The following FHOD3 variants were observed in gnomAD, a reference collection of about 807,000 sequenced individuals.
FHOD3 encodes the protein FH1/FH2 domain-containing protein 3.
FHOD3 carries 90 observed loss-of-function variants against 173.0 expected under a neutral mutation model. The observed-to-expected ratio is 0.52, with a 90% CI of 0.44 to 0.62. The LOEUF is 0.62. FHOD3 is among the 20% of genes least tolerant of loss of function. The probability of loss-of-function intolerance (pLI) is 0.00; values close to 1 mark genes in which losing one functional copy is unlikely to be tolerated. For synonymous variants in FHOD3, 828 were observed against 823.0 expected, an observed-to-expected ratio of 1.01 and a Z score of -0.10; for missense variants, 1,945 against 2,034.7, an observed-to-expected ratio of 0.96 and a Z score of 0.85.
chr18:36,521,772 C>G (rs2056287634), intron 5 of FHOD3, among the ~76,000 whole-genome samples: 1 of 152,192 alleles, frequency 6.6e-6, no homozygotes, highest in Non-Finnish European at 1.5e-5. Flanking sequence ...AGTGGCTCCT[C>G]TCATCCTCAG....
At chr18:36,473,920 G>A (rs910556623) in intron 3 of FHOD3, among the ~76,000 whole-genome samples, 1 of 152,196 alleles carries the variant, frequency 6.6e-6, no homozygotes. Context: ...TTGGGTATTA[G>A]TAATATACTT....
chr18:36,706,644 C>T (rs907181868), intron 17 of FHOD3, among the ~76,000 whole-genome samples: 4 of 152,190 alleles, frequency 2.6e-5, no homozygotes, highest in Non-Finnish European at 5.9e-5. Flanking sequence ...AGGCTGAAGT[C>T]AAATAGCCAT....
At chr18:36,514,173 T>C (rs906554383) in intron 5 of FHOD3, among the ~76,000 whole-genome samples, 1 of 151,874 alleles carries the variant, frequency 6.6e-6, no homozygotes, top group Non-Finnish European at 1.5e-5. Context: ...CATGCCCAGC[T>C]AATTTTTTTG....
At chr18:36,508,857 C>T (rs2055458801) in intron 4 of FHOD3, among the ~76,000 whole-genome samples, 1 of 152,114 alleles carries the variant, frequency 6.6e-6, no homozygotes, top group Non-Finnish European at 1.5e-5. Flanking sequence ...CCATCAGCCT[C>T]TAATGAATGA....
chr18:36,715,774 TGGG>T (rs1223829347), intron 18 of FHOD3, among the ~76,000 whole-genome samples: 1 of 152,142 alleles, frequency 6.6e-6, no homozygotes, highest in African/African-American at 2.4e-5. Flanking sequence ...TCAACAGTGT[TGGG>T]GGAGGATTGC....
chr18:36,474,613 G>A (rs887981390), intron 3 of FHOD3, among the ~76,000 whole-genome samples: 7 of 152,158 alleles, frequency 4.6e-5, no homozygotes, highest in African/African-American at 1.4e-4. Context: ...CCATATTTGA[G>A]GAGTGGTGGG....
Position 36,718,256 on chromosome 18 carries a change from T to C in FHOD3, c.2958T>C (p.Asn986=), listed in dbSNP as rs774206761. 4 of 1,613,930 alleles carry C rather than the reference T, an allele frequency of 2.5e-6. No homozygotes were observed. The Admixed American group carries it at 6.7e-5, about 27-fold the overall frequency. ...ACATCTGGGACCAGCTCATGGCCAA[T>C]CCAAGAGAGCTCAGAATCCAAGACA... is the stretch of plus-strand genomic sequence containing the variant. ...SDYIWDQLMA[N]PRELRIQDMD... The change falls in exon 19 of 29, where the codon AAT becomes AAC. Residue 986 remains asparagine, a synonymous_variant. Transcript: ENST00000590592.
At chr18:36,566,103 G>A (rs1431865804) in intron 5 of FHOD3, among the ~76,000 whole-genome samples, 1 of 152,184 alleles carries the variant, frequency 6.6e-6, no homozygotes, top group Non-Finnish European at 1.5e-5. Flanking sequence ...TTGATTAAAA[G>A]ATTACACAGA....
intron 8 of FHOD3, among the ~76,000 whole-genome samples, chr18:36,609,735 A>G (rs918200453): frequency 6.7e-6 from 1 of 149,278 alleles, no homozygotes; most frequent in African/African-American, 2.5e-5. Context: ...TCAGCCTCCC[A>G]AGTAGCTGGG....
chr18:36,568,034 G>A (rs1179253617), intron 5 of FHOD3, among the ~76,000 whole-genome samples: 1 of 151,596 alleles, frequency 6.6e-6, no homozygotes, highest in African/African-American at 2.4e-5. Flanking sequence ...CTAAGAAGGG[G>A]GAGCCTCAGC....
intron 28 of FHOD3, 186 bp from the exon 29 acceptor site, chr18:36,779,262 T>G (rs2043923915): frequency 1.7e-6 from 1 of 587,760 alleles, no homozygotes; most frequent in African/African-American, 1.9e-5. Flanking sequence ...GCCCCAAACT[T>G]TTGTCCTGGC....
chr18:36,665,017 C>T (rs58092984), intron 14 of FHOD3, among the ~76,000 whole-genome samples: 31,533 of 151,886 alleles, frequency 0.21, 3,355 homozygotes, highest in African/African-American at 0.25. Flanking sequence ...CACTTGAGCC[C>T]AGGAGTTGGC....
chr18:36,625,677 C>T lies in FHOD3; in HGVS notation c.1124C>T (p.Ser375Leu), dbSNP rs774589540. 2.2e-5 allele frequency: 36 copies of T among 1,611,824 alleles called. No individual in the cohort carries two copies. In the East Asian group the frequency reaches 2.7e-4, roughly 12 times the overall value. The change falls in exon 10 of 29, where the codon TCG (serine) becomes TTG (leucine). Residue 375 changes from serine to leucine, a missense_variant. Ser to Leu is a moderately radical substitution (Grantham distance 145). Coordinates refer to ENST00000590592, the MANE Select transcript of FHOD3 (RefSeq NM_001281740.3). The part of the protein sequence containing the change: ...HSVQSIKSTL[S>L]APTSPCSQSA... ...GTGCAGAGCATCAAGAGCACCCTGTCGGCCCCCACCAGTCCCTGCTCCCAG... is the reference window on the plus strand; with the variant it reads ...GTGCAGAGCATCAAGAGCACCCTGTTGGCCCCCACCAGTCCCTGCTCCCAG...
intron 3 of FHOD3, among the ~76,000 whole-genome samples, chr18:36,491,685 T>C (rs2054481216): frequency 6.7e-6 from 1 of 149,356 alleles, no homozygotes; most frequent in Admixed American, 6.6e-5. Context: ...GTAGCCTTTT[T>C]CAGACTGGCT....
At chr18:36,361,818 C>T (rs1171825982) in intron 2 of FHOD3, among the ~76,000 whole-genome samples, 1 of 152,132 alleles carries the variant, frequency 6.6e-6, no homozygotes, top group Admixed American at 6.5e-5. Flanking sequence ...ACCTTCCCTG[C>T]CACGCCCAGC....
intron 3 of FHOD3, among the ~76,000 whole-genome samples, chr18:36,424,032 G>C (rs1190205598): frequency 1.3e-5 from 2 of 152,166 alleles, no homozygotes; most frequent in East Asian, 3.8e-4. Flanking sequence ...ACTGCCTTCA[G>C]CTGAACCAAG....
chr18:36,324,447 A>C (rs1234672717), intron 1 of FHOD3, among the ~76,000 whole-genome samples: 1 of 152,246 alleles, frequency 6.6e-6, no homozygotes, highest in Non-Finnish European at 1.5e-5. Flanking sequence ...GGCAAGTCAC[A>C]AAATGGGAGA....
chr18:36,377,872 T>G (rs1201008233), intron 3 of FHOD3, among the ~76,000 whole-genome samples: 1 of 152,196 alleles, frequency 6.6e-6, no homozygotes, highest in Non-Finnish European at 1.5e-5. Flanking sequence ...GCCCTGGACC[T>G]GGGCTTCTGG....
At chr18:36,545,557 G>C (rs1007550232) in intron 5 of FHOD3, among the ~76,000 whole-genome samples, 1 of 152,232 alleles carries the variant, frequency 6.6e-6, no homozygotes, top group African/African-American at 2.4e-5. Flanking sequence ...AGTGTTATCA[G>C]CTGAGGGATG....
Sources: gnomAD v4.1 joint callset for allele counts (sites outside exome capture counted in the v4.1 genomes callset) on GRCh38, gnomAD v4.1.1 for gene constraint, MANE v1.5 for transcripts, NCBI Gene and HGNC (gene_info 2026-07-23, HGNC 2026-07-21) for gene names.